The following SPATA17 variants were observed in gnomAD, a reference collection of about 807,000 sequenced individuals.
The protein encoded by SPATA17 is spermatogenesis-associated protein 17.
In SPATA17, 53 loss-of-function variants were observed where a neutral mutation model predicts 62.2. The ratio of observed to expected loss-of-function variants is 0.85; its 90% CI spans 0.68 to 1.07. SPATA17 has a LOEUF of 1.07. Ranked by LOEUF, SPATA17 falls within the 50% of genes least tolerant of loss-of-function variation. SPATA17 has a pLI of 0.00. For synonymous variants in SPATA17, 146 were observed against 146.8 expected (o/e 0.99, Z 0.04); for missense variants, 466 against 425.5 (o/e 1.10, Z -0.84).
chr1:217,791,522 A>G (rs1173504229), intron 8 of SPATA17, among the ~76,000 whole-genome samples: 2 of 152,220 alleles, frequency 1.3e-5, no homozygotes, highest in Non-Finnish European at 2.9e-5. Flanking sequence ...AAGAAAAAAA[A>G]AAGTTTATTT....
At chr1:217,707,196 A>G (rs1028794322) in intron 5 of SPATA17, among the ~76,000 whole-genome samples, 1 of 152,004 alleles carries the variant, frequency 6.6e-6, no homozygotes, top group African/African-American at 2.4e-5. Context: ...GCTATTGTTA[A>G]TGGCATGCCT....
intron 7 of SPATA17, among the ~76,000 whole-genome samples, chr1:217,774,786 C>T (rs1308772877): frequency 6.6e-6 from 1 of 152,088 alleles, no homozygotes; most frequent in Non-Finnish European, 1.5e-5. Flanking sequence ...TCACTTAGCA[C>T]GATGTTCTTA....
At chr1:217,649,934 CT>C (rs771612819) in intron 2 of SPATA17, among the ~76,000 whole-genome samples, 1,506 of 120,420 alleles carry the variant, frequency 0.013, 50 homozygotes, top group Admixed American at 0.098. Flanking sequence ...AGGCTTCTCT[CT>C]TTTTTTTTTT....
At chr1:217,837,533 T>C (rs763478694) in intron 9 of SPATA17, among the ~76,000 whole-genome samples, 16 of 152,102 alleles carry the variant, frequency 1.1e-4, no homozygotes, top group Non-Finnish European at 1.0e-4. Flanking sequence ...CTGTTGCATG[T>C]TGGATGAATT....
intron 9 of SPATA17, among the ~76,000 whole-genome samples, chr1:217,810,566 C>T (rs2102991837): frequency 6.6e-6 from 1 of 151,700 alleles, no homozygotes; most frequent in South Asian, 2.1e-4. Context: ...AGGCATGAGC[C>T]AAGACCATGC....
At chr1:217,826,897 C>T (rs189049123) in intron 9 of SPATA17, among the ~76,000 whole-genome samples, 4 of 152,132 alleles carry the variant, frequency 2.6e-5, no homozygotes, top group Admixed American at 2.0e-4. Context: ...TTTTACTTCC[C>T]TTACAGTGTT....
chr1:217,862,903 A>G (rs1398076229), intron 10 of SPATA17, 47 bp downstream of exon 10: 2 of 1,270,328 alleles, frequency 1.6e-6, no homozygotes, highest in Non-Finnish European at 2.2e-6. Context: ...ATTAAATAAC[A>G]CTTAAAAAAT....
At chr1:217,808,029 A>G (rs1361322596) in intron 9 of SPATA17, among the ~76,000 whole-genome samples, 2 of 152,220 alleles carry the variant, frequency 1.3e-5, no homozygotes, top group East Asian at 1.9e-4. Flanking sequence ...AAGGCATGGC[A>G]CAGGAGCCTT....
intron 8 of SPATA17, among the ~76,000 whole-genome samples, chr1:217,786,438 C>T (rs146263735): frequency 2.4e-4 from 37 of 152,030 alleles, no homozygotes; most frequent in African/African-American, 7.2e-4. Flanking sequence ...AAAAGGAAAA[C>T]GATGGTAGGA....
chr1:217,635,477 G>C (rs935294768), intron 1 of SPATA17, among the ~76,000 whole-genome samples: 2 of 152,162 alleles, frequency 1.3e-5, no homozygotes, highest in Admixed American at 6.5e-5. Context: ...GCTGAGGTGG[G>C]TGGATCACTT....
intron 5 of SPATA17, among the ~76,000 whole-genome samples, chr1:217,710,799 G>T (rs762831515): frequency 2.1e-5 from 3 of 145,940 alleles, no homozygotes; most frequent in Admixed American, 1.3e-4. Context: ...ACACTAAAAA[G>T]CAACCCTATA....
chr1:217,658,016 A>G (rs531723298), intron 3 of SPATA17, among the ~76,000 whole-genome samples: 5 of 152,196 alleles, frequency 3.3e-5, no homozygotes, highest in Non-Finnish European at 5.9e-5. Context: ...TTCCCTATCT[A>G]TGAGGACAGT....
Position 217,687,246 on chromosome 1 carries a change from T to C in SPATA17, c.395+3885T>C, listed in dbSNP as rs370306320. On this transcript the variant is annotated intron_variant, in intron 5 of 10. Coordinates refer to ENST00000366933, the MANE Select transcript of SPATA17 (RefSeq NM_138796.4). Reference sequence around the variant, plus strand: ...TTTAATATATTTTTATATATAATGTTCTCATATTCTAATTGCATTTTTTAT... The same window carrying C: ...TTTAATATATTTTTATATATAATGTCCTCATATTCTAATTGCATTTTTTAT... 1.8e-4 allele frequency among the ~76,000 whole-genome samples: 27 copies of C among 152,186 alleles called. No homozygotes were observed. The East Asian group carries it at 2.5e-3, about 14-fold the overall frequency.
At chr1:217,801,643 T>C (rs1674315137) in intron 8 of SPATA17, 75 bp from the exon 9 acceptor site, 1 of 1,300,698 alleles carries the variant, frequency 7.7e-7, no homozygotes. Context: ...CTATAGTACT[T>C]CTACAAAGCC....
rs1432724507 is a variant in SPATA17, at chr1:217,635,597, G to T, written c.68+4151G>T. ...TGCGCACCTGTAGTCCCAACTACTC[G>T]AGAGGCTGAGGCAGGAGAATCACTT... On this transcript the variant is annotated intron_variant, in intron 1 of 10. Coordinates refer to ENST00000366933, the MANE Select transcript of SPATA17 (RefSeq NM_138796.4). Among the ~76,000 whole-genome samples the T allele has an allele frequency of 2.0e-5, 3 of 151,980 alleles. No homozygotes were observed. In the East Asian group the frequency reaches 5.8e-4, roughly 30 times the overall value.
At chr1:217,664,143 C>T (rs570113114) in intron 3 of SPATA17, among the ~76,000 whole-genome samples, 4 of 151,986 alleles carry the variant, frequency 2.6e-5, no homozygotes, top group Admixed American at 6.6e-5. Context: ...TAAGGCTAAA[C>T]TGAAGTGTGG....
At position 217,858,826 on chromosome 1, in the gene SPATA17, G is replaced by A. The variant is rs1008869455; in HGVS notation, c.1006-3948G>A. Among the ~76,000 whole-genome samples, 5 of 152,076 alleles carry A rather than the reference G, an allele frequency of 3.3e-5. No individual in the cohort carries two copies. In the East Asian group the frequency reaches 5.8e-4, roughly 18 times the overall value. ...GGGTGGATCACAAGGTCGGGAGTTC[G>A]AGACCAGCCTGGCCAATATGGTGAA... is the stretch of plus-strand genomic sequence containing the variant. On this transcript the variant is annotated intron_variant, in intron 9 of 10. Transcript: ENST00000366933.
At chr1:217,766,216 A>G (rs1417894706) in intron 6 of SPATA17, among the ~76,000 whole-genome samples, 1 of 151,996 alleles carries the variant, frequency 6.6e-6, no homozygotes, top group East Asian at 1.9e-4. Flanking sequence ...CATATTTGAT[A>G]TTGATTTTCA....
At chr1:217,843,043 AATGTACTAATTT>A (rs1195192563) in intron 9 of SPATA17, among the ~76,000 whole-genome samples, 3 of 151,886 alleles carry the variant, frequency 2.0e-5, no homozygotes, top group Non-Finnish European at 4.4e-5. Context: ...TATTTTTATT[AATGTACTAATTT>A]ATGTCCTCCA....
Sources: allele counts gnomAD v4.1 joint callset (sites outside exome capture counted in the v4.1 genomes callset), GRCh38; gene constraint gnomAD v4.1.1; transcripts MANE v1.5; gene names NCBI Gene and HGNC (gene_info 2026-07-23, HGNC 2026-07-21).